The following NUP214 variants were observed in gnomAD, a reference collection of about 807,000 sequenced individuals.
The protein encoded by NUP214 is nuclear pore complex protein Nup214.
In NUP214, 79 loss-of-function variants were observed where a neutral mutation model predicts 196.2. The ratio of observed to expected loss-of-function variants is 0.40; its 90% CI spans 0.34 to 0.49. The LOEUF is 0.49. NUP214 is among the 20% of genes least tolerant of loss of function. The pLI is 0.58. For synonymous variants in NUP214, 1,020 were observed against 990.5 expected, an observed-to-expected ratio of 1.03 and a Z score of -0.56; for missense variants, 2,468 against 2,539.0, an observed-to-expected ratio of 0.97 and a Z score of 0.60.
At chr9:131,141,478 CTTTTTTT>C in intron 11 of NUP214, among the ~76,000 whole-genome samples, 1 of 118,728 alleles carries the variant, frequency 8.4e-6, no homozygotes, top group East Asian at 2.5e-4. Context: ...TGAAAAGAAA[CTTTTTTT>C]TTTTTTTTTT....
Position 131,199,026 on chromosome 9 carries a change from G to A in NUP214, c.5521+11G>A, listed in dbSNP as rs748943254. On this transcript the variant is annotated intron_variant, in intron 29 of 35. Transcript: ENST00000359428. The stretch of plus-strand genomic sequence containing the variant: ...TTTGCCAAGCTTCAGGTAAGAATTT[G>A]TGGAAGCTTTTTACTTGTTTCCCTC... 1.3e-6 allele frequency: 2 copies of A among 1,569,452 alleles called. No homozygotes were observed. The highest frequency in any genetic ancestry group is 1.7e-6 in the Non-Finnish European group (2 of 1,158,012).
intron 32 of NUP214, 31 bp from the exon 33 acceptor site, chr9:131,228,129 A>G (rs1210710942): frequency 2.6e-6 from 4 of 1,515,146 alleles, no homozygotes; most frequent in African/African-American, 2.9e-5. Context: ...CTTTCTCCCT[A>G]TTTCTGTTTG....
intron 3 of NUP214, 146 bp from the exon 4 acceptor site, chr9:131,129,133 G>T: frequency 1.5e-6 from 1 of 684,408 alleles, no homozygotes; most frequent in South Asian, 1.9e-5. Context: ...ATAGATTGAT[G>T]CATAAAACAA....
chr9:131,204,762 T>C (rs1834033146), intron 30 of NUP214, among the ~76,000 whole-genome samples: 1 of 152,120 alleles, frequency 6.6e-6, no homozygotes, highest in Non-Finnish European at 1.5e-5. Flanking sequence ...CCAAAACTAA[T>C]CGATAATAGT....
chr9:131,156,315 G>A (rs1314342604), intron 17 of NUP214, among the ~76,000 whole-genome samples: 1 of 151,820 alleles, frequency 6.6e-6, no homozygotes, highest in Non-Finnish European at 1.5e-5. Flanking sequence ...TGTATTTTCA[G>A]TAGAGACGGG....
At position 131,198,384 on chromosome 9, in the gene NUP214, A is replaced by T; in HGVS notation, c.4890A>T (p.Ala1630=). The T allele has an allele frequency of 6.2e-7, 1 of 1,614,240 alleles. No homozygotes were observed. Among genetic ancestry groups the T allele is most frequent in the South Asian group, 1.1e-5 (1 of 91,084 alleles). ...CCATTGTTGCTCCCGGCCCATCTGC[A>T]GAGGCAGCAGCATTTGGTACCGTCA... The part of the protein sequence containing the change: ...TTSIVAPGPS[A]EAAAFGTVTS... Residue 1630 remains alanine, a synonymous_variant, in exon 29 of 36, where the codon GCA becomes GCT. Coordinates refer to ENST00000359428, the MANE Select transcript of NUP214 (RefSeq NM_005085.4).
chr9:131,223,736 T>TATTTATTTA (rs1415275798), intron 32 of NUP214, among the ~76,000 whole-genome samples: 3 of 28,574 alleles, frequency 1.0e-4, no homozygotes, highest in African/African-American at 2.3e-4. Context: ...TATTTTTTTT[T>TATTTATTTA]TTTTTTTTTT....
At chr9:131,209,632 G>T (rs888609401) in intron 30 of NUP214, among the ~76,000 whole-genome samples, 1 of 152,172 alleles carries the variant, frequency 6.6e-6, no homozygotes, top group Non-Finnish European at 1.5e-5. Flanking sequence ...CACCTTAGGT[G>T]ATCTGCCTGC....
chr9:131,174,497 G>A lies in NUP214; in HGVS notation c.3157+179G>A, dbSNP rs950991968. On this transcript the variant is annotated intron_variant, in intron 22 of 35. Transcript: ENST00000359428. The stretch of plus-strand genomic sequence containing the variant: ...GGAGTCTCACTCTGTTGCCCAGGCT[G>A]GAGTGTAATGGCGCGATCTAGGCTC... Among the ~76,000 whole-genome samples, 12 of 121,016 alleles carry A rather than the reference G, an allele frequency of 9.9e-5. No individual in the cohort carries two copies. In the Admixed American group the frequency reaches 1.5e-3, roughly 15 times the overall value. The allele number at this position is 121,016 out of a possible 152,430, so 79.4% of individuals were successfully genotyped here.
chr9:131,143,318 C>CT lies in NUP214; in HGVS notation c.1295-952dup, dbSNP rs1244489179. Among the ~76,000 whole-genome samples the CT allele has an allele frequency of 2.6e-3, 385 of 150,100 alleles. 3 individuals carry two copies. The highest frequency in any genetic ancestry group is 8.9e-3 in the African/African-American group (363 of 40,992). ...GCCACTGCGCCCAGCCTTCCATTGACTTTTTTTTTTCTTTTTAACCATTTG... is the reference window on the plus strand; with the variant it reads ...GCCACTGCGCCCAGCCTTCCATTGACTTTTTTTTTTTCTTTTTAACCATTTG... On this transcript the variant is annotated intron_variant, in intron 11 of 35. Transcript: ENST00000359428.
chr9:131,161,012 G>C (rs1236084697), intron 18 of NUP214, among the ~76,000 whole-genome samples: 1 of 152,208 alleles, frequency 6.6e-6, no homozygotes, highest in Non-Finnish European at 1.5e-5. Context: ...GGTACATTCT[G>C]CTCTGCTCAA....
chr9:131,175,639 A>G lies in NUP214; in HGVS notation c.3319+18A>G, dbSNP rs1377394746. ...GGCACCAGGTAAAAGCTGTAGCCCCATACCTGTACAGAGGCTGATTATGAG... is the reference window on the plus strand; with the variant it reads ...GGCACCAGGTAAAAGCTGTAGCCCCGTACCTGTACAGAGGCTGATTATGAG... On this transcript the variant is annotated intron_variant, in intron 23 of 35. Transcript: ENST00000359428. 1.1e-5 allele frequency: 18 copies of G among 1,612,962 alleles called. No individual in the cohort carries two copies. Among genetic ancestry groups the G allele is most frequent in the Admixed American group, 1.7e-5 (1 of 59,810 alleles).
chr9:131,171,651 C>T (rs181497661), intron 21 of NUP214, among the ~76,000 whole-genome samples: 106 of 151,496 alleles, frequency 7.0e-4, no homozygotes, highest in Middle Eastern at 6.8e-3. Flanking sequence ...GTGCTGCACC[C>T]ATTAACTTTT....
At chr9:131,233,165 A>G (rs1834923622) in intron 35 of NUP214, among the ~76,000 whole-genome samples, 1 of 151,958 alleles carries the variant, frequency 6.6e-6, no homozygotes, top group Non-Finnish European at 1.5e-5. Flanking sequence ...ATATATATAT[A>G]CATATATAGA....
rs775066211 is a variant in NUP214, at chr9:131,197,957, C to T, written c.4463C>T (p.Ser1488Phe). The change falls in exon 29 of 36, where the codon TCC becomes TTC. Residue 1488 changes from serine to phenylalanine, a missense_variant. Transcript: ENST00000359428. ...SSATTPSLPM[S>F]AGRSTEEATS... Reference sequence around the variant, plus strand: ...GCAACTACCCCCTCCCTGCCTATGTCCGCTGGCAGAAGCACAGAAGAGGCC... The same window carrying T: ...GCAACTACCCCCTCCCTGCCTATGTTCGCTGGCAGAAGCACAGAAGAGGCC... The T allele has an allele frequency of 6.2e-7, 1 of 1,614,226 alleles. No individual in the cohort carries two copies. The highest frequency in any genetic ancestry group is 8.5e-7 in the Non-Finnish European group (1 of 1,180,032).
At chr9:131,176,015 A>G (rs1011009755) in intron 23 of NUP214, among the ~76,000 whole-genome samples, 1 of 152,122 alleles carries the variant, frequency 6.6e-6, no homozygotes, top group African/African-American at 2.4e-5. Context: ...CCCAAGAGGT[A>G]GGTATTTGAA....
chr9:131,230,784 G>A lies in NUP214; in HGVS notation c.6214+15G>A, dbSNP rs146007382. On this transcript the variant is annotated intron_variant, in intron 34 of 35. Coordinates refer to ENST00000359428, the MANE Select transcript of NUP214 (RefSeq NM_005085.4). ...AGGCACAGGAGGTAAGCTGCCACAAGTTCTCCCCTCACAAGCAAAATGGGT... is the reference window on the plus strand; with the variant it reads ...AGGCACAGGAGGTAAGCTGCCACAAATTCTCCCCTCACAAGCAAAATGGGT... 1,261 of 1,610,388 alleles carry A rather than the reference G, an allele frequency of 7.8e-4. 7 individuals carry two copies. In the African/African-American group the frequency reaches 0.015, roughly 19 times the overall value.
In NUP214 at chr9:131,208,208, C is replaced by G. The variant is rs145457651; in HGVS notation, c.5592+6491C>G. 4.8e-3 allele frequency among the ~76,000 whole-genome samples: 732 copies of G among 152,230 alleles called. 1 individual carries two copies. The highest frequency in any genetic ancestry group is 7.1e-3 in the Admixed American group (109 of 15,292). On this transcript the variant is annotated intron_variant, in intron 30 of 35. Transcript: ENST00000359428. ...ATAGTACTTCTACCATATGACCCAG[C>G]AATTCTGCTCTGGGGTAGAATACCC...
intron 30 of NUP214, among the ~76,000 whole-genome samples, chr9:131,214,774 G>T (rs1247330982): frequency 3.3e-5 from 5 of 152,198 alleles, no homozygotes; most frequent in Non-Finnish European, 5.9e-5. Context: ...GAGAAAGACA[G>T]TGAAAATCAC....
Sources: gnomAD v4.1 joint callset for allele counts (sites outside exome capture counted in the v4.1 genomes callset) on GRCh38, gnomAD v4.1.1 for gene constraint, MANE v1.5 for transcripts, NCBI Gene and HGNC (gene_info 2026-07-23, HGNC 2026-07-21) for gene names.